PCDHGA6: variants seen among roughly 807,000 people sequenced by gnomAD.
PCDHGA6 encodes the protein protocadherin gamma subfamily A, 6.
PCDHGA6 carries 41 observed loss-of-function variants against 60.6 expected under a neutral mutation model. The ratio of observed to expected loss-of-function variants is 0.68; its 90% CI spans 0.53 to 0.88. PCDHGA6 has a LOEUF of 0.88. Among genes scored for constraint, PCDHGA6 ranks in the 40% least tolerant of loss-of-function variants. The probability of loss-of-function intolerance (pLI) is 0.00; values close to 1 mark genes in which losing one functional copy is unlikely to be tolerated. For synonymous variants in PCDHGA6, 594 were observed against 524.4 expected (o/e 1.13, Z -1.81); for missense variants, 1,312 against 1,203.0 (o/e 1.09, Z -1.34).
chr5:141,483,501 G>T (rs1022338958), intron 1 of PCDHGA6, among the ~76,000 whole-genome samples: 1 of 150,394 alleles, frequency 6.6e-6, no homozygotes, highest in Non-Finnish European at 1.5e-5. Flanking sequence ...ATGAGTCAAG[G>T]CTGATCCCCC....
rs1038384205 is a variant in PCDHGA6 at position 141,374,896 on chromosome 5, A to T, written c.813A>T (p.Glu271Asp). 6.2e-7 allele frequency: 1 copy of T among 1,613,804 alleles called. No individual in the cohort carries two copies. Among genetic ancestry groups the T allele is most frequent in the Non-Finnish European group, 8.5e-7 (1 of 1,179,892 alleles). Reference protein sequence around the residue: ...VLAVTATDQDEGVHGEVTYSF... With the variant: ...VLAVTATDQDDGVHGEVTYSF... ...CAGTGACTGCCACCGACCAGGATGAAGGAGTCCACGGGGAAGTAACTTATT... is the reference window on the plus strand; with the variant it reads ...CAGTGACTGCCACCGACCAGGATGATGGAGTCCACGGGGAAGTAACTTATT... The change falls in exon 1 of 4, where the codon GAA (glutamate) becomes GAT (aspartate). Residue 271 changes from glutamate (E) to aspartate (D), a missense_variant. Transcript: ENST00000517434.
intron 1 of PCDHGA6, among the ~76,000 whole-genome samples, chr5:141,474,448 A>G (rs1350019257): frequency 3.3e-5 from 5 of 152,204 alleles, no homozygotes; most frequent in Non-Finnish European, 5.9e-5. Context: ...GTAGCAAGTG[A>G]TTGGGCTATA....
chr5:141,402,100 A>G (rs1589449876), intron 1 of PCDHGA6, among the ~76,000 whole-genome samples: 1 of 152,220 alleles, frequency 6.6e-6, no homozygotes, highest in South Asian at 2.1e-4. Flanking sequence ...AGTTTAAGCA[A>G]TTACAAAAAT....
intron 1 of PCDHGA6, chr5:141,393,825 G>C: frequency 6.2e-7 from 1 of 1,613,964 alleles, no homozygotes; most frequent in Non-Finnish European, 8.5e-7. Flanking sequence ...CATTTCGGTG[G>C]AAGATGTAAA....
chr5:141,481,182 G>T (rs2099533183), intron 1 of PCDHGA6, among the ~76,000 whole-genome samples: 1 of 152,180 alleles, frequency 6.6e-6, no homozygotes, highest in Non-Finnish European at 1.5e-5. Flanking sequence ...AGCTTTATTG[G>T]GCCAGGCCCA....
intron 1 of PCDHGA6, chr5:141,427,949 C>T (rs2097092193): frequency 1.3e-6 from 2 of 1,586,882 alleles, no homozygotes; most frequent in South Asian, 1.1e-5. Context: ...ACCTCAATGA[C>T]AATGTGCCGC....
intron 1 of PCDHGA6, chr5:141,418,921 T>A (rs897705216): frequency 1.9e-6 from 3 of 1,613,928 alleles, no homozygotes; most frequent in Admixed American, 3.3e-5. Context: ...CACTCTCTGA[T>A]CAGATTATGG....
intron 1 of PCDHGA6, chr5:141,413,040 C>G: frequency 1.2e-6 from 1 of 840,546 alleles, no homozygotes; most frequent in Non-Finnish European, 1.8e-6. Flanking sequence ...GGCTGCTGGG[C>G]TGCAGGGAAG....
chr5:141,497,540 CTTT>C (rs754207034), intron 2 of PCDHGA6, among the ~76,000 whole-genome samples: 11 of 134,886 alleles, frequency 8.2e-5, no homozygotes, highest in African/African-American at 1.9e-4. Context: ...TGCAACAAAC[CTTT>C]TTTTTTTTTT....
chr5:141,482,546 A>G (rs1489817593), intron 1 of PCDHGA6, among the ~76,000 whole-genome samples: 1 of 151,868 alleles, frequency 6.6e-6, no homozygotes, highest in Non-Finnish European at 1.5e-5. Context: ...AAAAAAAAAA[A>G]AAAGATAATG....
Position 141,487,622 on chromosome 5 carries a change from C to A in PCDHGA6, c.2425-7185C>A. 1 of 1,614,174 alleles carries A rather than the reference C, an allele frequency of 6.2e-7. No homozygotes were observed. Among genetic ancestry groups the A allele is most frequent in the Non-Finnish European group, 8.5e-7 (1 of 1,180,030 alleles). ...TCTTCTCTATGGGCTAGAGGTGAGACCTTTGCAGGCTCAACAAATGCTTGA... is the reference window on the plus strand; with the variant it reads ...TCTTCTCTATGGGCTAGAGGTGAGAACTTTGCAGGCTCAACAAATGCTTGA... On this transcript the variant is annotated intron_variant, in intron 1 of 3. Transcript: ENST00000517434. The surrounding 1 kb of genome is among the most constrained non-coding windows in gnomAD (Gnocchi z 5.0).
At chr5:141,441,527 A>G (rs2098252922) in intron 1 of PCDHGA6, 2 of 173,076 alleles carry the variant, frequency 1.2e-5, no homozygotes, top group African/African-American at 2.4e-5. Flanking sequence ...GTGGCCAAGA[A>G]CAATCTTCCC....
intron 1 of PCDHGA6, among the ~76,000 whole-genome samples, chr5:141,475,364 G>C (rs2099362607): frequency 6.6e-6 from 1 of 152,200 alleles, no homozygotes; most frequent in Admixed American, 6.5e-5. Flanking sequence ...AATAAAATCT[G>C]AATTGTACTT....
chr5:141,498,146 G>A (rs924380243), intron 2 of PCDHGA6, among the ~76,000 whole-genome samples: 1 of 152,200 alleles, frequency 6.6e-6, no homozygotes, highest in Non-Finnish European at 1.5e-5. Context: ...GGACATCCTG[G>A]AAATGAAGTT....
chr5:141,466,037 G>T (rs1204301031), intron 1 of PCDHGA6, among the ~76,000 whole-genome samples: 1 of 152,056 alleles, frequency 6.6e-6, no homozygotes, highest in African/African-American at 2.4e-5. Flanking sequence ...CAGGAGAACG[G>T]CATGAACCCA....
At position 141,477,529 on chromosome 5, in the gene PCDHGA6, C is replaced by G; in HGVS notation, c.2425-17278C>G. ...ACGTTTACATTGAAGAAAACAACCT[C>G]CCCGGGGCTCCAATACTAAACCTAA... On this transcript the variant is annotated intron_variant, in intron 1 of 3. Transcript: ENST00000517434. The surrounding 1 kb of genome is among the most constrained non-coding windows in gnomAD (Gnocchi z 4.9). 6.2e-7 allele frequency: 1 copy of G among 1,614,172 alleles called. No homozygotes were observed. The highest frequency in any genetic ancestry group is 8.5e-7 in the Non-Finnish European group (1 of 1,180,032).
rs192677983 is a variant in PCDHGA6 at position 141,457,339 on chromosome 5, A to G, written c.2425-37468A>G. On this transcript the variant is annotated intron_variant, in intron 1 of 3. Transcript: ENST00000517434. The stretch of plus-strand genomic sequence containing the variant: ...CCTCCGGGTTACAGGTACCTTACTT[A>G]CTTTCATTACCTGGCACAATTTGCA... Among the ~76,000 whole-genome samples the G allele has an allele frequency of 3.1e-4, 47 of 152,268 alleles. No individual in the cohort carries two copies. The South Asian group carries it at 3.3e-3, about 11-fold the overall frequency.
At chr5:141,380,024 C>T (rs1326280237) in intron 1 of PCDHGA6, among the ~76,000 whole-genome samples, 1 of 150,698 alleles carries the variant, frequency 6.6e-6, no homozygotes, top group Non-Finnish European at 1.5e-5. Flanking sequence ...CTCAGCCTCC[C>T]AAGTAGCTGG....
At chr5:141,403,083 T>A (rs775664314) in intron 1 of PCDHGA6, 2 of 1,613,932 alleles carry the variant, frequency 1.2e-6, no homozygotes, top group East Asian at 4.5e-5. Flanking sequence ...AAGGGCTATA[T>A]TGTGGGCAAC....
Sources: allele counts gnomAD v4.1 joint callset (sites outside exome capture counted in the v4.1 genomes callset), GRCh38; gene constraint gnomAD v4.1.1; non-coding constraint Gnocchi (gnomAD v3.1); transcripts MANE v1.5; gene names NCBI Gene and HGNC (gene_info 2026-07-23, HGNC 2026-07-21).